Variants in TNS3 observed in about 807,000 individuals in gnomAD.
TNS3 encodes tensin 3.
TNS3 carries 45 observed loss-of-function variants against 140.9 expected under a neutral mutation model. The observed-to-expected ratio is 0.32, with a 90% CI of 0.25 to 0.41. TNS3 has a LOEUF of 0.41. Among genes scored for constraint, TNS3 ranks in the 10% least tolerant of loss-of-function variants. The pLI is 1.00. For missense variants in TNS3, 1,716 were observed against 1,906.7 expected, an observed-to-expected ratio of 0.90 and a Z score of 1.86; for synonymous variants, 815 against 788.4, an observed-to-expected ratio of 1.03 and a Z score of -0.56.
chr7:47,389,056 A>G (rs766022975), intron 16 of TNS3, among the ~76,000 whole-genome samples: 3,769 of 45,878 alleles, frequency 0.082, 759 homozygotes, highest in South Asian at 0.12. Context: ...AAGAAGAAGA[A>G]GAAGAAGAAG....
In TNS3 at chr7:47,399,215, T is replaced by C. The variant is rs559205943; in HGVS notation, c.919+1178A>G. On this transcript the variant is annotated intron_variant, in intron 15 of 30. Coordinates refer to ENST00000311160, the MANE Select transcript of TNS3 (RefSeq NM_022748.12). ...TGGAAACACATCCCATGCTCATGGA[T>C]TGGAAGAATCAATATACTGAAAACA... is the stretch of plus-strand genomic sequence containing the variant. Among the ~76,000 whole-genome samples, 11 of 151,674 alleles carry C rather than the reference T, an allele frequency of 7.3e-5. 1 individual carries two copies. The highest frequency in any genetic ancestry group is 2.4e-4 in the African/African-American group (10 of 41,304).
intron 4 of TNS3, among the ~76,000 whole-genome samples, chr7:47,478,142 T>C (rs1422926964): frequency 3.3e-5 from 5 of 152,178 alleles, no homozygotes; most frequent in African/African-American, 1.2e-4. Context: ...CACGGGCTGA[T>C]CTCTGCCCCA....
intron 3 of TNS3, among the ~76,000 whole-genome samples, chr7:47,490,889 G>A (rs756086017): frequency 1.8e-4 from 27 of 152,222 alleles, no homozygotes; most frequent in Non-Finnish European, 3.4e-4. Context: ...AATGCGCACA[G>A]CCCCAGCATG....
At chr7:47,387,457 T>G (rs1792141413) in intron 16 of TNS3, among the ~76,000 whole-genome samples, 1 of 152,182 alleles carries the variant, frequency 6.6e-6, no homozygotes, top group Admixed American at 6.5e-5. Flanking sequence ...TGCATGTGGA[T>G]GGTGGTCTCC....
At chr7:47,490,762 C>T (rs1351489493) in intron 3 of TNS3, among the ~76,000 whole-genome samples, 1 of 152,238 alleles carries the variant, frequency 6.6e-6, no homozygotes. Flanking sequence ...GTCAGCACCA[C>T]ATGAAGCAAG....
chr7:47,501,322 C>T (rs1798216799), intron 3 of TNS3, among the ~76,000 whole-genome samples: 1 of 152,156 alleles, frequency 6.6e-6, no homozygotes, highest in Non-Finnish European at 1.5e-5. Context: ...CTACTTACAC[C>T]TTTTGGGGAG....
chr7:47,473,343 G>A (rs529147285), intron 4 of TNS3, among the ~76,000 whole-genome samples: 1 of 152,106 alleles, frequency 6.6e-6, no homozygotes, highest in African/African-American at 2.4e-5. Flanking sequence ...AGAGATTAAG[G>A]AGCAAGAACA....
chr7:47,312,786 G>A (rs937644736), intron 20 of TNS3, among the ~76,000 whole-genome samples: 1 of 151,662 alleles, frequency 6.6e-6, no homozygotes, highest in Non-Finnish European at 1.5e-5. Flanking sequence ...AATGCTAAAT[G>A]ACAAGTTAAT....
rs191441403 is a variant in TNS3 at position 47,518,335 on chromosome 7, G to C, written c.-153+10701C>G. Among the ~76,000 whole-genome samples, 844 of 152,142 alleles carry C rather than the reference G, an allele frequency of 5.5e-3. 11 individuals are homozygous for C. The highest frequency in any genetic ancestry group is 0.019 in the African/African-American group (785 of 41,472). Reference sequence around the variant, plus strand: ...CAAGGTCCCTCCGCCGATGTCATAGGGCGGCCATCTCCATGCTCTTATCTA... The same window carrying C: ...CAAGGTCCCTCCGCCGATGTCATAGCGCGGCCATCTCCATGCTCTTATCTA... On this transcript the variant is annotated intron_variant, in intron 2 of 30. Coordinates refer to ENST00000311160, the MANE Select transcript of TNS3 (RefSeq NM_022748.12).
intron 4 of TNS3, among the ~76,000 whole-genome samples, chr7:47,461,690 C>T (rs1382896525): frequency 6.6e-6 from 1 of 152,244 alleles, no homozygotes; most frequent in Non-Finnish European, 1.5e-5. Flanking sequence ...CTGCTCCCAA[C>T]CCTGCAAATG....
At chr7:47,478,938 TAC>T (rs145018052) in intron 4 of TNS3, among the ~76,000 whole-genome samples, 10 of 150,240 alleles carry the variant, frequency 6.7e-5, no homozygotes, top group Non-Finnish European at 1.2e-4. Context: ...ACACACATAA[TAC>T]ACACACACAC....
At chr7:47,539,143 A>G in intron 1 of TNS3, 1 of 456,564 alleles carries the variant, frequency 2.2e-6, no homozygotes, top group Non-Finnish European at 4.4e-6. Flanking sequence ...CCAGCAGGAT[A>G]AAACTCCTCC....
chr7:47,326,441 A>G (rs770699513), intron 20 of TNS3, among the ~76,000 whole-genome samples: 27 of 152,126 alleles, frequency 1.8e-4, no homozygotes, highest in Non-Finnish European at 2.2e-4. Flanking sequence ...CTCTGCCCCT[A>G]CAGGAGGACA....
chr7:47,537,031 T>TGGCGCC lies in TNS3; in HGVS notation c.-264-7890_-264-7885dup, dbSNP rs1244207793. Among the ~76,000 whole-genome samples, 26 of 149,674 alleles carry TGGCGCC rather than the reference T, an allele frequency of 1.7e-4. No homozygotes were observed. The South Asian group carries it at 4.5e-3, about 26-fold the overall frequency. On this transcript the variant is annotated intron_variant, in intron 1 of 30. Transcript: ENST00000311160. Reference sequence around the variant, plus strand: ...ACACCAGCTCCGGGCCGCACTCACCTGGCGCCGGCGCCGGCGCGACCGGGT... The same window carrying TGGCGCC: ...ACACCAGCTCCGGGCCGCACTCACCTGGCGCCGGCGCCGGCGCCGGCGCGACCGGGT...
intron 2 of TNS3, among the ~76,000 whole-genome samples, chr7:47,507,182 G>A (rs1023272441): frequency 2.6e-5 from 4 of 152,182 alleles, no homozygotes; most frequent in Admixed American, 1.3e-4. Context: ...AGCTCAGGTG[G>A]CTCAGGTAGG....
At chr7:47,346,408 A>C in intron 17 of TNS3, 52 bp from the exon 18 acceptor site, 1 of 1,600,208 alleles carries the variant, frequency 6.2e-7, no homozygotes, top group Non-Finnish European at 8.5e-7. Context: ...AGGCGGAGTG[A>C]GGCGCCCCTT....
At chr7:47,367,052 C>T (rs150328535) in intron 17 of TNS3, among the ~76,000 whole-genome samples, 22 of 152,340 alleles carry the variant, frequency 1.4e-4, no homozygotes, top group East Asian at 7.7e-4. Context: ...TGGCACCACA[C>T]GGATGCCACA....
chr7:47,494,733 G>A (rs1158312584), intron 3 of TNS3, among the ~76,000 whole-genome samples: 1 of 152,146 alleles, frequency 6.6e-6, no homozygotes, highest in Non-Finnish European at 1.5e-5. Context: ...AATGAACTCC[G>A]CCAGCTGCTC....
At chr7:47,410,297 G>C (rs572337789) in intron 13 of TNS3, among the ~76,000 whole-genome samples, 2 of 152,246 alleles carry the variant, frequency 1.3e-5, no homozygotes, top group East Asian at 3.8e-4. Context: ...CAGTAGAACA[G>C]AGAGCTGAGG....
Sources: gnomAD v4.1 joint callset for allele counts (sites outside exome capture counted in the v4.1 genomes callset) on GRCh38, gnomAD v4.1.1 for gene constraint, MANE v1.5 for transcripts, NCBI Gene and HGNC (gene_info 2026-07-23, HGNC 2026-07-21) for gene names.